Variants in ANK2 observed in about 807,000 individuals in gnomAD.
The protein encoded by ANK2 is ankyrin 2, also known as ankyrin-2.
In ANK2, 83 loss-of-function variants were observed where a neutral mutation model predicts 360.5. That is an observed-to-expected ratio of 0.23 (90% CI 0.19 to 0.28). The LOEUF is 0.28. Ranked by LOEUF, ANK2 falls within the 10% of genes least tolerant of loss-of-function variation. ANK2 has a pLI of 1.00. For synonymous variants in ANK2, 1,740 were observed against 1,759.5 expected (o/e 0.99, Z 0.28); for missense variants, 4,201 against 4,795.7 (o/e 0.88, Z 3.66).
In ANK2 at chr4:113,358,091, C is replaced by T. The variant is rs760298528; in HGVS notation, c.9473C>T (p.Pro3158Leu). 1.5e-5 allele frequency: 24 copies of T among 1,614,052 alleles called. No individual in the cohort carries two copies. The highest frequency in any genetic ancestry group is 6.6e-5 in the South Asian group (6 of 91,086). ...KEGATGADPL[P>L]LETSAESLAL... ...GGGGCTACTGGGGCTGATCCCCTAC[C>T]GCTGGAGACATCAGCTGAATCACTA... Residue 3158 changes from proline (P) to leucine (L), a missense_variant, in exon 38 of 46, where the codon CCG becomes CTG. Around this residue, in one of 4 missense-constraint regions of ANK2, gnomAD observed 2,642 missense variants for 2,714.5 expected, o/e 0.97. Transcript: ENST00000357077.
intron 43 of ANK2, chr4:113,372,502 A>T: frequency 7.1e-7 from 1 of 1,403,350 alleles, no homozygotes; most frequent in Non-Finnish European, 9.7e-7. Context: ...TTAGCATGTT[A>T]AACAAAGCAA....
chr4:112,967,019 CA>C (rs1242259379), intron 2 of ANK2, among the ~76,000 whole-genome samples: 14 of 152,260 alleles, frequency 9.2e-5, no homozygotes, highest in African/African-American at 2.6e-4. Flanking sequence ...ACACATTAAG[CA>C]GTTCAGAGTA....
At chr4:113,151,108 C>A (rs1474161198) in intron 1 of ANK2, 6 of 1,288,850 alleles carry the variant, frequency 4.7e-6, no homozygotes, top group Non-Finnish European at 6.1e-6. Context: ...AAACCAGAGG[C>A]CGCCAACATT....
intron 17 of ANK2, 38 bp downstream of exon 17, chr4:113,278,596 TAACTATC>T: frequency 6.3e-7 from 1 of 1,581,124 alleles, no homozygotes; most frequent in Non-Finnish European, 8.7e-7. Flanking sequence ...GCATAGGGTG[TAACTATC>T]GCCTGAAAAC....
rs577441245 is a variant in ANK2, at chr4:112,888,739, G to C, written c.-39-15716G>C. Among the ~76,000 whole-genome samples the C allele has an allele frequency of 2.8e-4, 43 of 152,312 alleles. 1 individual carries two copies. The highest frequency in any genetic ancestry group is 9.6e-4 in the African/African-American group (40 of 41,570). ...ACTGGCACTACCACTAGCTTGGTCT[G>C]ATTATAGTTAATCCACTGCCTACAA... On this transcript the variant is annotated intron_variant, in intron 1 of 30. Coordinates refer to the ANK2 transcript ENST00000503271.
At chr4:112,725,527 TTTTTGTATTTTTAGTA>T in the ANK2 span, among the ~76,000 whole-genome samples, 2 of 151,204 alleles carry the variant, frequency 1.3e-5, no homozygotes, top group Non-Finnish European at 2.9e-5. Context: ...TGCCCGGCTG[TTTTTGTATTTTTAGTA>T]GAAACAGGGT....
chr4:112,951,035 T>TC (rs2094935966), intron 2 of ANK2, among the ~76,000 whole-genome samples: 2 of 118,452 alleles, frequency 1.7e-5, no homozygotes, highest in Non-Finnish European at 3.2e-5. Flanking sequence ...TGAGCCGAGA[T>TC]CCCGCCACTG....
intron 1 of ANK2, among the ~76,000 whole-genome samples, chr4:112,822,755 A>AC (rs61042736): frequency 6.6e-6 from 1 of 151,784 alleles, no homozygotes; most frequent in Non-Finnish European, 1.5e-5. Flanking sequence ...AAAAAAAAAA[A>AC]CCTGAAATAA....
At chr4:113,208,405 C>T (rs573885275) in intron 4 of ANK2, among the ~76,000 whole-genome samples, 4 of 151,974 alleles carry the variant, frequency 2.6e-5, no homozygotes, top group South Asian at 2.1e-4. Context: ...GAGAGGAAGA[C>T]GATAGTGTCA....
chr4:112,960,432 C>G (rs917804134), intron 2 of ANK2, among the ~76,000 whole-genome samples: 1 of 151,718 alleles, frequency 6.6e-6, no homozygotes, highest in Non-Finnish European at 1.5e-5. Flanking sequence ...TTATACCAGA[C>G]GCATATAAAA....
chr4:112,783,212 A>G, the ANK2 span, among the ~76,000 whole-genome samples: 3 of 152,162 alleles, frequency 2.0e-5, no homozygotes, highest in African/African-American at 7.2e-5. Flanking sequence ...CCTGGCCTAA[A>G]TAGCTTTTCT....
rs76543481 is a variant in ANK2 at position 113,044,356 on chromosome 4, A to G, written c.22-130060A>G. Among the ~76,000 whole-genome samples, 439 of 152,282 alleles carry G rather than the reference A, an allele frequency of 2.9e-3. 3 individuals are homozygous for G. The highest frequency in any genetic ancestry group is 9.9e-3 in the African/African-American group (411 of 41,564). On this transcript the variant is annotated intron_variant, in intron 2 of 30. Transcript: ENST00000503271. ...GTGTATTGAGCTAGCACATGAATAG[A>G]GATTACTCATGGGAGGGTTTATTAA...
rs768837006 is a variant in ANK2 at position 113,282,646 on chromosome 4, T to C, written c.1882-29T>C. The C allele has an allele frequency of 2.3e-5, 35 of 1,545,648 alleles. No individual in the cohort carries two copies. The Admixed American group carries it at 5.0e-4, about 22-fold the overall frequency. On this transcript the variant is annotated intron_variant, in intron 17 of 45. Transcript: ENST00000357077. Reference sequence around the variant, plus strand: ...GAGCAATTGTTAATCTTACTCTATATGCATGTGTTTTATTTTTGTTCTTTT... The same window carrying C: ...GAGCAATTGTTAATCTTACTCTATACGCATGTGTTTTATTTTTGTTCTTTT...
intron 1 of ANK2, among the ~76,000 whole-genome samples, chr4:113,125,338 A>AAT (rs2095599246): frequency 6.6e-6 from 1 of 152,200 alleles, no homozygotes; most frequent in African/African-American, 2.4e-5. Context: ...TATAAAGATC[A>AAT]AATATGATTT....
chr4:112,894,314 T>C (rs1203953331), intron 1 of ANK2, among the ~76,000 whole-genome samples: 1 of 152,212 alleles, frequency 6.6e-6, no homozygotes, highest in Admixed American at 6.5e-5. Flanking sequence ...TTCATTTATA[T>C]AAATAGAAGG....
intron 1 of ANK2, among the ~76,000 whole-genome samples, chr4:113,060,878 A>G (rs1338124380): frequency 1.3e-5 from 2 of 152,030 alleles, no homozygotes; most frequent in East Asian, 1.9e-4. Context: ...CTGCACTTCA[A>G]CTGTATTTGT....
At chr4:112,824,590 C>T (rs368777450) in intron 1 of ANK2, among the ~76,000 whole-genome samples, 3 of 151,610 alleles carry the variant, frequency 2.0e-5, no homozygotes, top group South Asian at 2.1e-4. Context: ...CTGCAACCTC[C>T]GCCTCCCTGG....
intron 2 of ANK2, among the ~76,000 whole-genome samples, chr4:112,965,839 T>C (rs902944513): frequency 6.6e-6 from 1 of 152,132 alleles, no homozygotes; most frequent in Non-Finnish European, 1.5e-5. Flanking sequence ...CACATTCTGA[T>C]TGGTTATAAT....
the ANK2 span, among the ~76,000 whole-genome samples, chr4:112,772,198 G>A: frequency 6.6e-6 from 1 of 152,158 alleles, no homozygotes; most frequent in Non-Finnish European, 1.5e-5. Context: ...GTTCCTCATG[G>A]CTGGGAAGGC....
Sources: allele counts gnomAD v4.1 joint callset (sites outside exome capture counted in the v4.1 genomes callset), GRCh38; gene constraint gnomAD v4.1.1; regional missense constraint gnomAD v4.1.1; transcripts MANE v1.5; gene names NCBI Gene and HGNC (gene_info 2026-07-23, HGNC 2026-07-21).